Variants in MAJIN observed in about 807,000 individuals in gnomAD.
MAJIN encodes membrane-anchored junction protein.
A neutral mutation model predicts 30.2 loss-of-function variants in MAJIN; 27 were observed. The observed-to-expected ratio is 0.89, with a 90% CI of 0.66 to 1.23. MAJIN has a LOEUF of 1.23. Ranked by LOEUF, MAJIN falls within the 50% of genes most tolerant of loss-of-function variation. MAJIN has a pLI of 0.00. For synonymous variants in MAJIN, 78 were observed against 91.6 expected (o/e 0.85, Z 0.85); for missense variants, 253 against 260.3 (o/e 0.97, Z 0.19).
Position 64,938,410 on chromosome 11 carries a change from G to A in MAJIN, c.*165C>T. 1 of 1,163,522 alleles carries A rather than the reference G, an allele frequency of 8.6e-7. No homozygotes were observed. Among genetic ancestry groups the A allele is most frequent in the Non-Finnish European group, 1.2e-6 (1 of 811,584 alleles). 72.1% of individuals were successfully genotyped at this position (1,163,522 alleles called of 1,614,324 possible). A position where few individuals can be genotyped will look rare whatever the true frequency, so the allele number is the denominator to read the frequency against. ...AAAACCACAGAGGACTCAGCATGGG[G>A]ACCTCATTCCCCACGACTGAAGTGT... On this transcript the variant is annotated 3_prime_UTR_variant, in exon 11 of 11. Coordinates refer to ENST00000301896, the MANE Select transcript of MAJIN (RefSeq NM_001037225.3).
intron 6 of MAJIN, among the ~76,000 whole-genome samples, chr11:64,948,641 T>TATA (rs1340869416): frequency 5.3e-4 from 5 of 9,444 alleles, no homozygotes; most frequent in East Asian, 4.5e-3. Flanking sequence ...ATATATATAT[T>TATA]TTTTTTTTTT....
At chr11:64,948,546 C>A (rs1945486155) in intron 6 of MAJIN, among the ~76,000 whole-genome samples, 1 of 135,086 alleles carries the variant, frequency 7.4e-6, no homozygotes, top group African/African-American at 2.8e-5. Context: ...TCTCCTCCCT[C>A]AGCCTCCAGA....
chr11:64,952,346 CCTGG>C (rs1263590818), intron 4 of MAJIN, among the ~76,000 whole-genome samples: 1 of 152,034 alleles, frequency 6.6e-6, no homozygotes, highest in African/African-American at 2.4e-5. Context: ...TGCCACCACA[CCTGG>C]CTAACTTTTG....
Position 64,972,105 on chromosome 11 carries a change from G to C in MAJIN, c.-293C>G, listed in dbSNP as rs1280082614. ...CACCAGGCCTTCTGCGCACGCGCAAGTGCGCTTCCCACCGCCCCTTCGGGC... is the reference window on the plus strand; with the variant it reads ...CACCAGGCCTTCTGCGCACGCGCAACTGCGCTTCCCACCGCCCCTTCGGGC... On this transcript the variant is annotated 5_prime_UTR_variant, in exon 1 of 11. Coordinates refer to ENST00000301896, the MANE Select transcript of MAJIN (RefSeq NM_001037225.3). 6.6e-6 allele frequency: 1 copy of C among 152,238 alleles called. No homozygotes were observed. Among genetic ancestry groups the C allele is most frequent in the Non-Finnish European group, 1.5e-5 (1 of 68,058 alleles). 9.4% of individuals were successfully genotyped at this position (152,238 alleles called of 1,614,324 possible).
intron 1 of MAJIN, among the ~76,000 whole-genome samples, chr11:64,965,301 T>G (rs1313780664): frequency 1.3e-5 from 2 of 152,158 alleles, no homozygotes; most frequent in African/African-American, 4.8e-5. Context: ...GAGGAATAAC[T>G]AAACCTTGTT....
chr11:64,940,480 C>T, intron 9 of MAJIN, 94 bp downstream of exon 9: 1 of 1,334,780 alleles, frequency 7.5e-7, no homozygotes, highest in South Asian at 1.2e-5. Context: ...CTGAGGGCAC[C>T]CAGACTCAGC....
chr11:64,956,425 G>GAATCACTTCAC (rs1945633224), intron 3 of MAJIN, among the ~76,000 whole-genome samples: 3 of 152,250 alleles, frequency 2.0e-5, no homozygotes, highest in Middle Eastern at 3.4e-3. Context: ...GGAGGTGGAG[G>GAATCACTTCAC]TTGCAGTGAG....
chr11:64,964,597 A>ATTT (rs111965963), intron 1 of MAJIN, among the ~76,000 whole-genome samples: 1 of 142,926 alleles, frequency 7.0e-6, no homozygotes, highest in Non-Finnish European at 1.5e-5. Context: ...GCAAAATTTA[A>ATTT]TTTTTTTTTT....
intron 1 of MAJIN, among the ~76,000 whole-genome samples, chr11:64,971,517 G>A (rs1002703774): frequency 1.3e-5 from 2 of 151,966 alleles, no homozygotes; most frequent in Middle Eastern, 3.2e-3. Context: ...GTGTGGAGTG[G>A]GGAAAGGGCA....
intron 1 of MAJIN, among the ~76,000 whole-genome samples, chr11:64,967,091 G>A (rs1056402426): frequency 6.6e-6 from 1 of 151,474 alleles, no homozygotes; most frequent in Non-Finnish European, 1.5e-5. Flanking sequence ...GCAACACAGT[G>A]AGCCCTCGTC....
intron 8 of MAJIN, among the ~76,000 whole-genome samples, chr11:64,946,845 G>A (rs938808012): frequency 6.6e-6 from 1 of 152,118 alleles, no homozygotes; most frequent in African/African-American, 2.4e-5. Flanking sequence ...ATAAAAATAT[G>A]TTAGGGATGT....
intron 10 of MAJIN, among the ~76,000 whole-genome samples, chr11:64,939,225 C>A (rs969570450): frequency 6.6e-6 from 1 of 152,160 alleles, no homozygotes; most frequent in Non-Finnish European, 1.5e-5. Context: ...AGCCTCCCTC[C>A]CAAGTAGCTG....
intron 1 of MAJIN, among the ~76,000 whole-genome samples, chr11:64,971,116 G>A (rs914652676): frequency 6.6e-6 from 1 of 152,074 alleles, no homozygotes. Flanking sequence ...CCAACATGGT[G>A]AAACCGTCTC....
chr11:64,970,084 C>T (rs1301244084), intron 1 of MAJIN, among the ~76,000 whole-genome samples: 1 of 152,042 alleles, frequency 6.6e-6, no homozygotes, highest in Non-Finnish European at 1.5e-5. Flanking sequence ...GAAGGATGGG[C>T]CAGGCGCAGT....
At chr11:64,940,507 T>G (rs867594752) in intron 9 of MAJIN, 67 bp downstream of exon 9, 1 of 1,503,712 alleles carries the variant, frequency 6.7e-7, no homozygotes, top group Middle Eastern at 1.7e-4. Flanking sequence ...CTGCTCTACA[T>G]ATCAGAGAAC....
chr11:64,938,718 G>A, intron 10 of MAJIN, 145 bp from the exon 11 acceptor site: 1 of 858,368 alleles, frequency 1.2e-6, no homozygotes, highest in Non-Finnish European at 1.8e-6. Context: ...CATTTGAAAA[G>A]GTACCCAAAT....
intron 8 of MAJIN, among the ~76,000 whole-genome samples, chr11:64,940,984 G>A (rs960142049): frequency 4.0e-5 from 6 of 151,278 alleles, no homozygotes; most frequent in Admixed American, 6.6e-5. Context: ...GACTACAGGC[G>A]CCCGCCACCA....
chr11:64,950,986 T>C (rs1265424504), intron 4 of MAJIN, among the ~76,000 whole-genome samples: 1 of 152,210 alleles, frequency 6.6e-6, no homozygotes, highest in Non-Finnish European at 1.5e-5. Context: ...CTTTCAGGCA[T>C]AGTTCAAAAG....
chr11:64,942,189 T>C (rs1219314537), intron 8 of MAJIN, among the ~76,000 whole-genome samples: 3 of 152,222 alleles, frequency 2.0e-5, no homozygotes, highest in Non-Finnish European at 2.9e-5. Flanking sequence ...CCAGCAGTGA[T>C]GGAGCTCCTC....
Sources: allele counts gnomAD v4.1 joint callset (sites outside exome capture counted in the v4.1 genomes callset), GRCh38; gene constraint gnomAD v4.1.1; transcripts MANE v1.5; gene names NCBI Gene and HGNC (gene_info 2026-07-23, HGNC 2026-07-21).